DCAF10: variants seen among roughly 807,000 people sequenced by gnomAD.
DCAF10 encodes DDB1- and CUL4-associated factor 10.
DCAF10 carries 19 observed loss-of-function variants against 51.9 expected under a neutral mutation model. That is an observed-to-expected ratio of 0.37 (90% confidence interval 0.26 to 0.54). The LOEUF is 0.54. Ranked by LOEUF, DCAF10 falls within the 20% of genes least tolerant of loss-of-function variation. The probability of loss-of-function intolerance (pLI) is 0.87; values close to 1 mark genes in which losing one functional copy is unlikely to be tolerated. For missense variants in DCAF10, 510 were observed against 730.6 expected (o/e 0.70, Z 3.48); for synonymous variants, 291 against 297.1 (o/e 0.98, Z 0.21).
At chr9:37,813,577 G>A (rs1239324196) in intron 1 of DCAF10, among the ~76,000 whole-genome samples, 1 of 152,188 alleles carries the variant, frequency 6.6e-6, no homozygotes, top group Non-Finnish European at 1.5e-5. Context: ...TACCTGAAAT[G>A]TAAGGATACA....
intron 1 of DCAF10, among the ~76,000 whole-genome samples, chr9:37,809,271 T>C (rs1167177271): frequency 6.6e-6 from 1 of 151,896 alleles, no homozygotes; most frequent in Non-Finnish European, 1.5e-5. Context: ...GTAGGAAAAT[T>C]ATAGTCTTTA....
At chr9:37,831,095 C>A (rs186626095) in intron 2 of DCAF10, among the ~76,000 whole-genome samples, 5 of 152,122 alleles carry the variant, frequency 3.3e-5, no homozygotes, top group Admixed American at 6.6e-5. Flanking sequence ...TGGTGGCACA[C>A]GCCTGCAGTC....
intron 2 of DCAF10, among the ~76,000 whole-genome samples, chr9:37,834,960 AT>A (rs1273810269): frequency 6.6e-6 from 1 of 151,484 alleles, no homozygotes; most frequent in Non-Finnish European, 1.5e-5. Context: ...TAATTTTGGT[AT>A]TTTTCATAGA....
At chr9:37,859,548 T>G (rs1479095431) in intron 5 of DCAF10, among the ~76,000 whole-genome samples, 1 of 152,182 alleles carries the variant, frequency 6.6e-6, no homozygotes, top group Admixed American at 6.5e-5. Flanking sequence ...ATTTTTTGTT[T>G]ATAGTGTTGT....
chr9:37,840,365 C>T (rs1830296291), intron 2 of DCAF10, among the ~76,000 whole-genome samples: 1 of 152,074 alleles, frequency 6.6e-6, no homozygotes, highest in African/African-American at 2.4e-5. Flanking sequence ...CTGTTATTGC[C>T]CCTGGAGGCC....
chr9:37,847,253 C>CA (rs78089886), intron 3 of DCAF10, among the ~76,000 whole-genome samples: 404 of 32,760 alleles, frequency 0.012, 5 homozygotes, highest in Middle Eastern at 0.026. Context: ...AACTCCATCT[C>CA]AAAAAAAAAA....
intron 2 of DCAF10, among the ~76,000 whole-genome samples, chr9:37,831,216 C>CAA (rs149485150): frequency 6.8e-6 from 1 of 147,328 alleles, no homozygotes; most frequent in Non-Finnish European, 1.5e-5. Flanking sequence ...GACTCTGTCT[C>CAA]AAAAAAAAAG....
At chr9:37,845,064 T>A (rs1490606805) in intron 3 of DCAF10, among the ~76,000 whole-genome samples, 1 of 152,248 alleles carries the variant, frequency 6.6e-6, no homozygotes, top group Non-Finnish European at 1.5e-5. Context: ...TATCATTTAG[T>A]TATTAATTAA....
chr9:37,832,685 CAGATAATGATATCAT>C (rs1293379540), intron 2 of DCAF10, among the ~76,000 whole-genome samples: 1 of 151,984 alleles, frequency 6.6e-6, no homozygotes, highest in Non-Finnish European at 1.5e-5. Context: ...AAATCACTGG[CAGATAATGATATCAT>C]AGAATTAAGA....
intron 2 of DCAF10, chr9:37,836,040 C>A: frequency 9.2e-7 from 1 of 1,084,368 alleles, no homozygotes; most frequent in South Asian, 1.2e-5. Context: ...TCCGCGCCGC[C>A]ACGGTAAGGC....
intron 2 of DCAF10, among the ~76,000 whole-genome samples, chr9:37,822,122 T>G (rs1021092103): frequency 1.3e-5 from 2 of 152,130 alleles, no homozygotes; most frequent in African/African-American, 2.4e-5. Context: ...AAACAGTAGA[T>G]GCTGGTGTGG....
intron 3 of DCAF10, among the ~76,000 whole-genome samples, chr9:37,852,961 T>TACAC (rs1479546363): frequency 1.9e-5 from 2 of 105,054 alleles, no homozygotes; most frequent in Admixed American, 9.3e-5. Flanking sequence ...TATATATATA[T>TACAC]ATATAAATTA....
intron 3 of DCAF10, among the ~76,000 whole-genome samples, chr9:37,850,838 AT>A (rs1830619503): frequency 1.2e-4 from 2 of 16,736 alleles, no homozygotes; most frequent in South Asian, 1.7e-3. Context: ...ATATATATAT[AT>A]ATATATATAT....
Position 37,800,934 on chromosome 9 carries a change from C to T in DCAF10, c.68C>T (p.Thr23Met), listed in dbSNP as rs911453153. 3 of 1,495,318 alleles carry T rather than the reference C, an allele frequency of 2.0e-6. No individual in the cohort carries two copies. Among genetic ancestry groups the T allele is most frequent in the East Asian group, 2.5e-5 (1 of 39,540 alleles). The allele number at this position is 1,495,318 out of a possible 1,614,324, so 92.6% of individuals were successfully genotyped here. Reference protein sequence around the residue: ...GSAGAGAEEPTPHEGQAAATG... With the variant: ...GSAGAGAEEPMPHEGQAAATG... ...GCCGGAGCCGGGGCTGAGGAGCCGA[C>T]GCCCCACGAGGGGCAGGCAGCAGCC... The change falls in exon 1 of 7, where the codon ACG (threonine) becomes ATG (methionine). Residue 23 changes from threonine (T) to methionine (M), a missense_variant. Physicochemically the swap from Thr to Met is moderately conservative, Grantham distance 81. Coordinates refer to ENST00000377724, the MANE Select transcript of DCAF10 (RefSeq NM_024345.5).
chr9:37,850,874 ATATATAT>A (rs1564048936), intron 3 of DCAF10, among the ~76,000 whole-genome samples: 31 of 85,950 alleles, frequency 3.6e-4, no homozygotes, highest in African/African-American at 4.9e-4. Flanking sequence ...ATATATATAT[ATATATAT>A]AAATTAGCTT....
In DCAF10 at chr9:37,867,062, A is replaced by G. The variant is rs1235210198; in HGVS notation, c.*5554A>G. 6.6e-6 allele frequency: 1 copy of G among 152,202 alleles called. No individual in the cohort carries two copies. Among genetic ancestry groups the G allele is most frequent in the Non-Finnish European group, 1.5e-5 (1 of 68,028 alleles). The allele number at this position is 152,202 out of a possible 1,614,324, so 9.4% of individuals were successfully genotyped here. ...ATTTATATTCTAGAAATGATTCCAA[A>G]TCATGTCCTAAGAATTTCTCCCATT... On this transcript the variant is annotated 3_prime_UTR_variant, in exon 7 of 7. Transcript: ENST00000377724.
At chr9:37,809,211 A>T (rs571846060) in intron 1 of DCAF10, among the ~76,000 whole-genome samples, 64 of 152,210 alleles carry the variant, frequency 4.2e-4, no homozygotes, top group Admixed American at 1.9e-3. Context: ...CTAAATGATA[A>T]TGAAATCATA....
chr9:37,846,627 T>C (rs920194811), intron 3 of DCAF10, among the ~76,000 whole-genome samples: 4 of 152,066 alleles, frequency 2.6e-5, no homozygotes, highest in Non-Finnish European at 5.9e-5. Context: ...TGGCTAATTT[T>C]TGTATTCTTA....
At chr9:37,830,579 C>G (rs1244597247) in intron 2 of DCAF10, among the ~76,000 whole-genome samples, 7 of 152,144 alleles carry the variant, frequency 4.6e-5, no homozygotes, top group African/African-American at 1.7e-4. Context: ...CAAGGCACTT[C>G]AACTGTGTTT....
Sources: allele counts gnomAD v4.1 joint callset (sites outside exome capture counted in the v4.1 genomes callset), GRCh38; gene constraint gnomAD v4.1.1; transcripts MANE v1.5; gene names NCBI Gene and HGNC (gene_info 2026-07-23, HGNC 2026-07-21).